The following PLEKHA8 variants were observed in gnomAD, a reference collection of about 807,000 sequenced individuals.
The protein encoded by PLEKHA8 is pleckstrin homology domain-containing family A member 8.
Under a neutral mutation model 68.2 loss-of-function variants are expected in PLEKHA8, and 36 were observed. The observed-to-expected ratio is 0.53, with a 90% CI of 0.40 to 0.70. PLEKHA8 has a LOEUF of 0.70. PLEKHA8 is among the 30% of genes least tolerant of loss of function. The pLI is 0.00. For synonymous variants in PLEKHA8, 211 were observed against 216.1 expected, an observed-to-expected ratio of 0.98 and a Z score of 0.20; for missense variants, 505 against 615.4, an observed-to-expected ratio of 0.82 and a Z score of 1.90.
chr7:30,067,962 T>C (rs1281813069), intron 12 of PLEKHA8, among the ~76,000 whole-genome samples: 2 of 152,228 alleles, frequency 1.3e-5, no homozygotes, highest in Admixed American at 6.5e-5. Context: ...CTCTATCATA[T>C]GGAAAATTAT....
Position 30,082,917 on chromosome 7 carries a change from A to G in PLEKHA8, c.*4130A>G. 1.0e-6 allele frequency: 1 copy of G among 985,348 alleles called. No individual in the cohort carries two copies. The highest frequency in any genetic ancestry group is 1.2e-6 in the Non-Finnish European group (1 of 829,854). The allele number at this position is 985,348 out of a possible 1,614,324, so 61.0% of individuals were successfully genotyped here. On this transcript the variant is annotated 3_prime_UTR_variant, in exon 14 of 14. Transcript: ENST00000449726. ...TTCCTAGCAAACTACCATGTCCTACAAGAACTTGGTTATATAATGGTGCGT... is the reference window on the plus strand; with the variant it reads ...TTCCTAGCAAACTACCATGTCCTACGAGAACTTGGTTATATAATGGTGCGT...
chr7:30,074,190 G>GTAAGAAGAGATTTCTAGCC, intron 13 of PLEKHA8, 58 bp downstream of exon 13: 1 of 1,462,938 alleles, frequency 6.8e-7, no homozygotes, highest in Non-Finnish European at 9.5e-7. Context: ...AGTGGCTAGG[G>GTAAGAAGAGATTTCTAGCC]CTAGAAATCT....
chr7:30,095,612 T>C (rs1795583298), downstream of PLEKHA8, among the ~76,000 whole-genome samples: 1 of 152,278 alleles, frequency 6.6e-6, no homozygotes, highest in Non-Finnish European at 1.5e-5. Context: ...GCCTATGTCC[T>C]GAATGGTATT....
rs186992928 is a variant in PLEKHA8, at chr7:30,083,757, A to G, written c.*4970A>G. ...TTCAGCTAAGCTATGTGAGAATGTAAGAATAATATCCTGCTTGTTCTAAAT... is the reference window on the plus strand; with the variant it reads ...TTCAGCTAAGCTATGTGAGAATGTAGGAATAATATCCTGCTTGTTCTAAAT... On this transcript the variant is annotated 3_prime_UTR_variant, in exon 14 of 14. Coordinates refer to ENST00000449726, the MANE Select transcript of PLEKHA8 (RefSeq NM_001197026.2). 3.9e-5 allele frequency: 38 copies of G among 985,146 alleles called. No homozygotes were observed. The East Asian group carries it at 2.5e-3, about 65-fold the overall frequency. 61.0% of individuals were successfully genotyped at this position (985,146 alleles called of 1,614,324 possible).
intron 1 of PLEKHA8, among the ~76,000 whole-genome samples, chr7:30,034,871 T>C (rs1554375114): frequency 2.0e-5 from 3 of 151,934 alleles, no homozygotes; most frequent in Non-Finnish European, 4.4e-5. Context: ...GTCTGATTTA[T>C]CAATTTTTTC....
At position 30,052,640 on chromosome 7, in the gene PLEKHA8, C is replaced by CAA. The variant is rs75714651; in HGVS notation, c.639-50_639-49dup. ...GGGTGACAGAGTGGAGACCCTGTTTCAAAAAAAAAAAAAAAAAAAAGACCA... is the reference window on the plus strand; with the variant it reads ...GGGTGACAGAGTGGAGACCCTGTTTCAAAAAAAAAAAAAAAAAAAAAAGACCA... On this transcript the variant is annotated intron_variant, in intron 6 of 13. Transcript: ENST00000449726. 2.2e-3 allele frequency: 2,300 copies of CAA among 1,064,224 alleles called. 2 individuals carry two copies. Among genetic ancestry groups the CAA allele is most frequent in the African/African-American group, 0.014 (550 of 40,572 alleles). The allele number at this position is 1,064,224 out of a possible 1,614,324, so 65.9% of individuals were successfully genotyped here.
At chr7:30,072,449 AAG>A (rs1794300841) in intron 12 of PLEKHA8, among the ~76,000 whole-genome samples, 1 of 152,262 alleles carries the variant, frequency 6.6e-6, no homozygotes. Flanking sequence ...TTTTAAAATA[AAG>A]TTGACTAGAA....
chr7:30,040,436 C>G (rs1161860200), intron 1 of PLEKHA8, among the ~76,000 whole-genome samples: 2 of 152,202 alleles, frequency 1.3e-5, no homozygotes, highest in African/African-American at 2.4e-5. Flanking sequence ...GAAACAGTCC[C>G]CATTTCTTTA....
chr7:30,029,896 G>C (rs1227314897), intron 1 of PLEKHA8, among the ~76,000 whole-genome samples: 2 of 152,200 alleles, frequency 1.3e-5, no homozygotes, highest in Non-Finnish European at 2.9e-5. Flanking sequence ...CCTATTGGGC[G>C]TACCCAGAAT....
chr7:30,070,168 T>C (rs1431146117), intron 12 of PLEKHA8, among the ~76,000 whole-genome samples: 1 of 151,868 alleles, frequency 6.6e-6, no homozygotes, highest in African/African-American at 2.4e-5. Flanking sequence ...CATTTGTTGG[T>C]TTTAAATTGC....
At position 30,080,070 on chromosome 7, in the gene PLEKHA8, A is replaced by G. The variant is rs184298871; in HGVS notation, c.*1283A>G. The G allele has an allele frequency of 2.1e-5, 21 of 985,348 alleles. No individual in the cohort carries two copies. Among genetic ancestry groups the G allele is most frequent in the African/African-American group, 5.2e-5 (3 of 57,320 alleles). 61.0% of individuals were successfully genotyped at this position (985,348 alleles called of 1,614,324 possible). A position where few individuals can be genotyped will look rare whatever the true frequency, so the allele number is the denominator to read the frequency against. On this transcript the variant is annotated 3_prime_UTR_variant, in exon 14 of 14. Coordinates refer to ENST00000449726, the MANE Select transcript of PLEKHA8 (RefSeq NM_001197026.2). ...ACCATGACTCTGAATCTGCTTACCA[A>G]TCAATCTCGGTTTAATCACCAAAAG... is the stretch of plus-strand genomic sequence containing the variant.
downstream of PLEKHA8, among the ~76,000 whole-genome samples, chr7:30,088,422 C>T (rs925877068): frequency 1.3e-5 from 2 of 152,068 alleles, no homozygotes; most frequent in Non-Finnish European, 2.9e-5. Flanking sequence ...TGGGCATCTC[C>T]CAGACCACTA....
intron 13 of PLEKHA8, among the ~76,000 whole-genome samples, chr7:30,095,748 GCCAGTTTTC>G (rs1200341984): frequency 6.6e-6 from 1 of 152,200 alleles, no homozygotes; most frequent in Non-Finnish European, 1.5e-5. Context: ...CATATGGCTA[GCCAGTTTTC>G]CCAGCACCAT....
intron 12 of PLEKHA8, among the ~76,000 whole-genome samples, chr7:30,072,819 A>C (rs1397167310): frequency 6.6e-6 from 1 of 152,226 alleles, no homozygotes; most frequent in South Asian, 2.1e-4. Context: ...GAAGAAGGTC[A>C]AATAGCCCCC....
In PLEKHA8 at chr7:30,065,380, A is replaced by G. The variant is rs1172483030; in HGVS notation, c.1300+2638A>G. Among the ~76,000 whole-genome samples the G allele has an allele frequency of 6.6e-5, 10 of 152,070 alleles. No homozygotes were observed. In the East Asian group the frequency reaches 7.7e-4, roughly 12 times the overall value. ...TAGTATGAGGAGATAAAGTTCCCCT[A>G]TTAAACCCACCCTCCCTCCAAAGTT... On this transcript the variant is annotated intron_variant, in intron 12 of 13. Transcript: ENST00000449726.
chr7:30,092,439 T>G (rs117493870), downstream of PLEKHA8, among the ~76,000 whole-genome samples: 364 of 152,050 alleles, frequency 2.4e-3, 2 homozygotes, highest in East Asian at 0.031. Context: ...TAGAAGACCC[T>G]CATCTAGTCA....
At chr7:30,044,156 G>C (rs1791766685) in intron 1 of PLEKHA8, among the ~76,000 whole-genome samples, 1 of 151,154 alleles carries the variant, frequency 6.6e-6, no homozygotes, top group East Asian at 2.0e-4. Flanking sequence ...ACAGGCACTT[G>C]CCGCCACGCC....
intron 13 of PLEKHA8, among the ~76,000 whole-genome samples, chr7:30,103,166 A>G (rs1043505039): frequency 2.0e-5 from 3 of 152,216 alleles, no homozygotes; most frequent in African/African-American, 7.2e-5. Context: ...GTTTCGAATA[A>G]CAAAAATGTT....
chr7:30,067,855 T>A (rs1252005341), intron 12 of PLEKHA8, among the ~76,000 whole-genome samples: 1 of 152,252 alleles, frequency 6.6e-6, no homozygotes, highest in Admixed American at 6.5e-5. Flanking sequence ...TAGACCATGG[T>A]TTCGAAAAAC....
Sources: gnomAD v4.1 joint callset for allele counts (sites outside exome capture counted in the v4.1 genomes callset) on GRCh38, gnomAD v4.1.1 for gene constraint, MANE v1.5 for transcripts, NCBI Gene and HGNC (gene_info 2026-07-23, HGNC 2026-07-21) for gene names.